LINGO2: variants seen among roughly 807,000 people sequenced by gnomAD.
LINGO2 encodes leucine rich repeat and Ig domain containing 2.
In LINGO2, 14 loss-of-function variants were observed where a neutral mutation model predicts 30.6. That is an observed-to-expected ratio of 0.46 (90% CI 0.30 to 0.72). The LOEUF is 0.72. LINGO2 is among the 30% of genes least tolerant of loss of function. The pLI, the probability that LINGO2 is intolerant of heterozygous loss-of-function variation, is 0.07. For synonymous variants in LINGO2, 317 were observed against 288.5 expected, an observed-to-expected ratio of 1.10 and a Z score of -1.00; for missense variants, 729 against 751.7, an observed-to-expected ratio of 0.97 and a Z score of 0.35.
the LINGO2 span, among the ~76,000 whole-genome samples, chr9:29,055,004 A>G: frequency 1.3e-5 from 2 of 152,148 alleles, no homozygotes; most frequent in African/African-American, 2.4e-5. Flanking sequence ...GGATCACCTG[A>G]GGTCAGGAGT....
intron 4 of LINGO2, among the ~76,000 whole-genome samples, chr9:28,054,766 TGATCA>T (rs1824842078): frequency 6.6e-6 from 1 of 151,992 alleles, no homozygotes; most frequent in African/African-American, 2.4e-5. Context: ...ATATTATAAG[TGATCA>T]TATTCCAGGC....
intron 4 of LINGO2, among the ~76,000 whole-genome samples, chr9:28,274,740 T>G (rs1453124916): frequency 1.3e-5 from 2 of 152,124 alleles, no homozygotes; most frequent in Non-Finnish European, 2.9e-5. Flanking sequence ...ATGACTCCTT[T>G]TACCAACACC....
chr9:28,548,380 A>G (rs1420706012), intron 1 of LINGO2, among the ~76,000 whole-genome samples: 1 of 152,108 alleles, frequency 6.6e-6, no homozygotes, highest in Non-Finnish European at 1.5e-5. Flanking sequence ...ACAAAAGTTG[A>G]TACCTGAACA....
chr9:28,275,262 A>G (rs7045113), intron 4 of LINGO2, among the ~76,000 whole-genome samples: 1,821 of 151,422 alleles, frequency 0.012, 49 homozygotes, highest in African/African-American at 0.042. Flanking sequence ...TTTAGTAGAG[A>G]TGGGGTTTTA....
intron 4 of LINGO2, among the ~76,000 whole-genome samples, chr9:28,199,121 C>A (rs1412105609): frequency 6.6e-6 from 1 of 152,016 alleles, no homozygotes; most frequent in East Asian, 1.9e-4. Flanking sequence ...TTCTTATTAC[C>A]CAGCATTGCA....
the LINGO2 span, among the ~76,000 whole-genome samples, chr9:29,026,801 C>G: frequency 1.3e-5 from 2 of 152,072 alleles, no homozygotes; most frequent in African/African-American, 4.8e-5. Context: ...ATCAACATAG[C>G]TGTTACAGGT....
At chr9:28,287,109 A>G (rs1030669211) in intron 4 of LINGO2, among the ~76,000 whole-genome samples, 1 of 152,198 alleles carries the variant, frequency 6.6e-6, no homozygotes, top group Non-Finnish European at 1.5e-5. Flanking sequence ...ATTACAGTTT[A>G]GTGAAAAATA....
chr9:28,503,823 C>T (rs148055319), intron 1 of LINGO2, among the ~76,000 whole-genome samples: 268 of 149,718 alleles, frequency 1.8e-3, no homozygotes, highest in Middle Eastern at 0.017. Flanking sequence ...GGGAACATTA[C>T]GAGACAGTAG....
At chr9:28,056,072 G>C (rs1405850621) in intron 4 of LINGO2, among the ~76,000 whole-genome samples, 1 of 152,154 alleles carries the variant, frequency 6.6e-6, no homozygotes, top group African/African-American at 2.4e-5. Context: ...AGAGAAAAAA[G>C]AAAGGAGCTC....
At chr9:29,072,045 C>A in the LINGO2 span, among the ~76,000 whole-genome samples, 1 of 152,006 alleles carries the variant, frequency 6.6e-6, no homozygotes, top group Non-Finnish European at 1.5e-5. Context: ...GATTCTGAAG[C>A]CATAGTGTAT....
At chr9:28,398,009 A>G (rs1822122780) in intron 2 of LINGO2, among the ~76,000 whole-genome samples, 1 of 152,230 alleles carries the variant, frequency 6.6e-6, no homozygotes, top group Non-Finnish European at 1.5e-5. Context: ...AGCAAAAGTC[A>G]TACATTGAGA....
intron 1 of LINGO2, among the ~76,000 whole-genome samples, chr9:28,565,949 A>G (rs73644071): frequency 0.017 from 2,656 of 152,250 alleles, 75 homozygotes; most frequent in African/African-American, 0.059. Flanking sequence ...CAATAGCTGT[A>G]TATCTATATA....
intron 1 of LINGO2, among the ~76,000 whole-genome samples, chr9:28,631,486 C>G (rs1826937647): frequency 6.6e-6 from 1 of 152,066 alleles, no homozygotes; most frequent in African/African-American, 2.4e-5. Context: ...TTTCCCAGCA[C>G]TATTTATTAA....
At chr9:28,027,738 A>C (rs1823452943) in intron 4 of LINGO2, among the ~76,000 whole-genome samples, 1 of 152,174 alleles carries the variant, frequency 6.6e-6, no homozygotes. Context: ...AGCACAATGA[A>C]ACACGTCATG....
intron 4 of LINGO2, among the ~76,000 whole-genome samples, chr9:28,281,838 C>A (rs1443942768): frequency 2.0e-5 from 3 of 152,116 alleles, no homozygotes; most frequent in Non-Finnish European, 4.4e-5. Context: ...ACTAAAGCTG[C>A]AAATGCCTTC....
the LINGO2 span, among the ~76,000 whole-genome samples, chr9:28,872,232 T>G: frequency 6.6e-6 from 1 of 152,080 alleles, no homozygotes; most frequent in Admixed American, 6.6e-5. Flanking sequence ...AACTCTAGCC[T>G]TTCCTTAAAT....
intron 4 of LINGO2, among the ~76,000 whole-genome samples, chr9:28,250,082 T>C (rs991449234): frequency 6.6e-6 from 1 of 152,060 alleles, no homozygotes; most frequent in Non-Finnish European, 1.5e-5. Context: ...GACTGAAAAT[T>C]ATCAAAAAGT....
intron 4 of LINGO2, among the ~76,000 whole-genome samples, chr9:28,093,041 A>T (rs1040162453): frequency 6.6e-6 from 1 of 152,052 alleles, no homozygotes; most frequent in East Asian, 1.9e-4. Context: ...CAGACTTAGC[A>T]AGTTGAACAG....
At position 28,364,583 on chromosome 9, in the gene LINGO2, G is replaced by T. The variant is rs1468677336; in HGVS notation, c.-246+8253C>A. Among the ~76,000 whole-genome samples, 3 of 152,078 alleles carry T rather than the reference G, an allele frequency of 2.0e-5. No homozygotes were observed. The East Asian group carries it at 5.8e-4, about 29-fold the overall frequency. ...GTCTGCAAACATCATCACACTGACT[G>T]CTTGGTTTAAATTGTGTTCACTCTT... On this transcript the variant is annotated intron_variant, in intron 3 of 5. Transcript: ENST00000379992.
Sources: gnomAD v4.1 joint callset for allele counts (sites outside exome capture counted in the v4.1 genomes callset) on GRCh38, gnomAD v4.1.1 for gene constraint, MANE v1.5 for transcripts, NCBI Gene and HGNC (gene_info 2026-07-23, HGNC 2026-07-21) for gene names.